Variants in KCNN2 observed in about 807,000 individuals in gnomAD.
The protein encoded by KCNN2 is potassium calcium-activated channel subfamily N member 2.
A neutral mutation model predicts 55.5 loss-of-function variants in KCNN2; 24 were observed. The ratio of observed to expected loss-of-function variants is 0.43; its 90% confidence interval spans 0.31 to 0.61. The LOEUF is 0.61. KCNN2 is among the 20% of genes least tolerant of loss of function. The pLI is 0.08. For synonymous variants in KCNN2, 431 were observed against 336.1 expected (o/e 1.28, Z -3.09); for missense variants, 754 against 853.6 (o/e 0.88, Z 1.45).
chr5:114,092,537 G>A (rs1751166380), intron 1 of KCNN2, among the ~76,000 whole-genome samples: 1 of 152,188 alleles, frequency 6.6e-6, no homozygotes, highest in East Asian at 1.9e-4. Flanking sequence ...GTGCCCCTGT[G>A]GGGACTTTCT....
intron 3 of KCNN2, among the ~76,000 whole-genome samples, chr5:114,459,549 G>C (rs1310255604): frequency 2.6e-5 from 4 of 152,122 alleles, no homozygotes; most frequent in Non-Finnish European, 5.9e-5. Flanking sequence ...TTTTGTTTCT[G>C]AGTTGCTGAA....
At chr5:114,228,504 A>G (rs1165192927) in intron 2 of KCNN2, among the ~76,000 whole-genome samples, 2 of 152,198 alleles carry the variant, frequency 1.3e-5, no homozygotes, top group African/African-American at 4.8e-5. Flanking sequence ...AAATAGTTTT[A>G]TTATGATGTA....
chr5:114,414,601 T>A (rs960363446), intron 3 of KCNN2, among the ~76,000 whole-genome samples: 1 of 152,164 alleles, frequency 6.6e-6, no homozygotes, highest in African/African-American at 2.4e-5. Flanking sequence ...AATAGTCTGA[T>A]CACTGTCAAA....
chr5:114,247,292 C>T (rs181770857), intron 2 of KCNN2, among the ~76,000 whole-genome samples: 4 of 149,996 alleles, frequency 2.7e-5, no homozygotes, highest in South Asian at 2.1e-4. Context: ...CTGTAACAGA[C>T]AGTTTTCTAC....
chr5:114,075,319 A>G (rs1750662999), intron 1 of KCNN2, among the ~76,000 whole-genome samples: 1 of 152,200 alleles, frequency 6.6e-6, no homozygotes, highest in Non-Finnish European at 1.5e-5. Context: ...GCAGAAGCAA[A>G]TCATCTGAGG....
chr5:114,396,792 G>A (rs536217258), intron 2 of KCNN2, among the ~76,000 whole-genome samples: 7 of 152,126 alleles, frequency 4.6e-5, no homozygotes, highest in African/African-American at 1.4e-4. Context: ...TGATCTGCCC[G>A]CCTTGGCCTC....
intron 1 of KCNN2, among the ~76,000 whole-genome samples, chr5:114,149,519 C>T (rs1752472228): frequency 6.6e-6 from 1 of 152,074 alleles, no homozygotes; most frequent in Non-Finnish European, 1.5e-5. Flanking sequence ...CTGGATATAC[C>T]AGCATTTATT....
chr5:114,290,409 C>G (rs1598823), intron 2 of KCNN2, among the ~76,000 whole-genome samples: 24,864 of 151,642 alleles, frequency 0.16, 3,553 homozygotes, highest in East Asian at 0.81. Context: ...TATTATAATC[C>G]TTTTTATTCC....
rs553801192 is a variant in KCNN2, at chr5:114,287,585, T to A, written c.-185+66020T>A. On this transcript the variant is annotated intron_variant, in intron 2 of 10. Transcript: ENST00000512097. Reference sequence around the variant, plus strand: ...GACACATGGAGGGGAACAACACACATTGGGGCCTGTCGGGGGATGGGGGGC... The same window carrying A: ...GACACATGGAGGGGAACAACACACAATGGGGCCTGTCGGGGGATGGGGGGC... Among the ~76,000 whole-genome samples, 29 of 150,558 alleles carry A rather than the reference T, an allele frequency of 1.9e-4. No individual in the cohort carries two copies. In the South Asian group the frequency reaches 3.8e-3, roughly 20 times the overall value.
intron 2 of KCNN2, among the ~76,000 whole-genome samples, chr5:114,296,716 A>G (rs73243723): frequency 0.026 from 3,953 of 152,344 alleles, 174 homozygotes; most frequent in African/African-American, 0.091. Flanking sequence ...TAGGTCATCA[A>G]CTAGAAAGGG....
At chr5:114,401,022 A>G (rs1219778674) in intron 2 of KCNN2, among the ~76,000 whole-genome samples, 2 of 149,118 alleles carry the variant, frequency 1.3e-5, no homozygotes, top group East Asian at 2.0e-4. Context: ...GTTAGTTTCA[A>G]TGGGCAGATT....
At chr5:114,265,324 GGTGTGTGTGTGTGTGTGTGTGTGT>G (rs60111802) in intron 2 of KCNN2, among the ~76,000 whole-genome samples, 31 of 149,126 alleles carry the variant, frequency 2.1e-4, no homozygotes, top group African/African-American at 6.5e-4. Context: ...ATCAAGAGGA[GGTGTGTGTGTGTGTGTGTGTGTGT>G]GTGTGTGTGT....
chr5:114,090,867 G>C (rs902866462), intron 1 of KCNN2, among the ~76,000 whole-genome samples: 1 of 151,530 alleles, frequency 6.6e-6, no homozygotes, highest in Non-Finnish European at 1.5e-5. Context: ...TTTTAAAATC[G>C]AGACAGGGTC....
At position 114,182,585 on chromosome 5, in the gene KCNN2, G is replaced by T. The variant is rs182783841; in HGVS notation, c.-270-38895G>T. Among the ~76,000 whole-genome samples the T allele has an allele frequency of 3.4e-3, 516 of 151,990 alleles. 3 individuals are homozygous for T. Among genetic ancestry groups the T allele is most frequent in the African/African-American group, 0.012 (497 of 41,480 alleles). ...GTGGTTTTTAGTATAGAGGATTTTTGTGATCTCTCCTAAACCTATTTCTAA... is the reference window on the plus strand; with the variant it reads ...GTGGTTTTTAGTATAGAGGATTTTTTTGATCTCTCCTAAACCTATTTCTAA... On this transcript the variant is annotated intron_variant, in intron 1 of 10. Coordinates refer to the KCNN2 transcript ENST00000512097.
rs56654295 is a variant in KCNN2, at chr5:114,334,260, ATGTGTGTGTGTGTGTG to A, written c.-184-26651_-184-26636del. 1.9e-3 allele frequency among the ~76,000 whole-genome samples: 264 copies of A among 138,282 alleles called. 3 individuals are homozygous for A. Among genetic ancestry groups the A allele is most frequent in the East Asian group, 0.012 (51 of 4,390 alleles). 90.7% of individuals were successfully genotyped at this position (138,282 alleles called of 152,430 possible). A position where few individuals can be genotyped will look rare whatever the true frequency, so the allele number is the denominator to read the frequency against. ...ATGTGGAATCTACTCCATATGCCTGATGTGTGTGTGTGTGTGTGTGTGTGTGTGTGTGTGTGTGTGT... is the reference window on the plus strand; with the variant it reads ...ATGTGGAATCTACTCCATATGCCTGATGTGTGTGTGTGTGTGTGTGTGTGT... On this transcript the variant is annotated intron_variant, in intron 2 of 10. Coordinates refer to the KCNN2 transcript ENST00000512097.
At chr5:114,188,006 T>C (rs1753375247) in intron 1 of KCNN2, among the ~76,000 whole-genome samples, 1 of 151,396 alleles carries the variant, frequency 6.6e-6, no homozygotes, top group African/African-American at 2.4e-5. Context: ...TAGAGATGGG[T>C]TTCTCCATGT....
At chr5:114,320,709 G>A (rs1022718627) in intron 2 of KCNN2, among the ~76,000 whole-genome samples, 2 of 152,224 alleles carry the variant, frequency 1.3e-5, no homozygotes, top group South Asian at 4.1e-4. Context: ...TGGAGGGGTA[G>A]GGTGCATGGT....
chr5:114,113,223 T>C (rs1751638408), intron 1 of KCNN2, among the ~76,000 whole-genome samples: 2 of 152,098 alleles, frequency 1.3e-5, no homozygotes, highest in Admixed American at 1.3e-4. Context: ...TTAAAGTCTC[T>C]CTTGCTACTC....
At chr5:114,314,907 CA>C (rs1756469874) in intron 2 of KCNN2, among the ~76,000 whole-genome samples, 1 of 152,132 alleles carries the variant, frequency 6.6e-6, no homozygotes, top group South Asian at 2.1e-4. Context: ...GTTAAATCCA[CA>C]AATGCCAAAA....
Sources: allele counts gnomAD v4.1 joint callset (sites outside exome capture counted in the v4.1 genomes callset), GRCh38; gene constraint gnomAD v4.1.1; transcripts MANE v1.5; gene names NCBI Gene and HGNC (gene_info 2026-07-23, HGNC 2026-07-21).